The following MOB1B variants were observed in gnomAD, a reference collection of about 807,000 sequenced individuals.
MOB1B encodes the protein MOB kinase activator 1B.
A neutral mutation model predicts 24.4 loss-of-function variants in MOB1B; 19 were observed. The ratio of observed to expected loss-of-function variants is 0.78; its 90% confidence interval spans 0.54 to 1.14. MOB1B has a LOEUF of 1.14. MOB1B is among the 50% of genes most tolerant of loss of function. The pLI is 0.00. For synonymous variants in MOB1B, 76 were observed against 82.1 expected, an observed-to-expected ratio of 0.93 and a Z score of 0.40; for missense variants, 243 against 259.6, an observed-to-expected ratio of 0.94 and a Z score of 0.44.
intron 1 of MOB1B, among the ~76,000 whole-genome samples, chr4:70,927,985 T>A (rs146909653): frequency 6.6e-6 from 1 of 152,108 alleles, no homozygotes; most frequent in Non-Finnish European, 1.5e-5. Context: ...TCTTTCTGCC[T>A]TTGTAAATGC....
intron 1 of MOB1B, among the ~76,000 whole-genome samples, chr4:70,956,662 T>G (rs951759025): frequency 6.6e-6 from 1 of 151,726 alleles, no homozygotes; most frequent in African/African-American, 2.4e-5. Flanking sequence ...TCAAGCAATC[T>G]GCCCGCCTCG....
At chr4:70,939,280 A>G (rs1240565636) in intron 1 of MOB1B, among the ~76,000 whole-genome samples, 1 of 152,232 alleles carries the variant, frequency 6.6e-6, no homozygotes, top group Non-Finnish European at 1.5e-5. Context: ...AATAAAGTGA[A>G]GTTTTTTAAA....
chr4:70,941,175 T>C (rs1169941276), intron 1 of MOB1B, among the ~76,000 whole-genome samples: 3 of 150,668 alleles, frequency 2.0e-5, no homozygotes, highest in Non-Finnish European at 4.4e-5. Context: ...TTTTTTTTTT[T>C]CTTTTCTATG....
intron 1 of MOB1B, among the ~76,000 whole-genome samples, chr4:70,952,679 A>G (rs1217868353): frequency 6.6e-6 from 1 of 151,404 alleles, no homozygotes; most frequent in African/African-American, 2.4e-5. Flanking sequence ...AACAAAAAAA[A>G]AACTTTCTAA....
chr4:70,959,684 G>A (rs1458299283), intron 2 of MOB1B, among the ~76,000 whole-genome samples: 1 of 152,062 alleles, frequency 6.6e-6, no homozygotes, highest in Non-Finnish European at 1.5e-5. Context: ...ATAACCTTAT[G>A]ATGTAGGTAT....
At chr4:70,910,788 C>CTT (rs992292452) in intron 1 of MOB1B, among the ~76,000 whole-genome samples, 2 of 145,526 alleles carry the variant, frequency 1.4e-5, no homozygotes, top group Admixed American at 1.4e-4. Context: ...AGTTCTGAAT[C>CTT]TTTTTTTTTT....
intron 2 of MOB1B, among the ~76,000 whole-genome samples, chr4:70,960,872 A>G (rs1242723032): frequency 1.3e-5 from 2 of 152,236 alleles, no homozygotes; most frequent in African/African-American, 4.8e-5. Flanking sequence ...AAGGCTGTAT[A>G]GAGCTTCTAT....
At position 70,957,023 on chromosome 4, in the gene MOB1B, G is replaced by A. The variant is rs141975383; in HGVS notation, c.15-1851G>A. The stretch of plus-strand genomic sequence containing the variant: ...ATCTTAGGGAAAGAGGGAGGGATTG[G>A]GGTTGGGGGTGTAAAGTTGAGAGGA... On this transcript the variant is annotated intron_variant, in intron 1 of 5. Coordinates refer to ENST00000309395, the MANE Select transcript of MOB1B (RefSeq NM_173468.4). Among the ~76,000 whole-genome samples, 1,291 of 151,884 alleles carry A rather than the reference G, an allele frequency of 8.5e-3. 11 individuals are homozygous for A. Among genetic ancestry groups the A allele is most frequent in the South Asian group, 0.014 (66 of 4,808 alleles).
chr4:70,950,421 C>T (rs1243159538), intron 1 of MOB1B, among the ~76,000 whole-genome samples: 1 of 116,700 alleles, frequency 8.6e-6, no homozygotes, highest in African/African-American at 3.7e-5. Flanking sequence ...GAGCAAGTCT[C>T]TGTATCAAAA....
chr4:70,927,859 C>G lies in MOB1B; in HGVS notation c.14+25309C>G, dbSNP rs941043588. 3.3e-5 allele frequency among the ~76,000 whole-genome samples: 5 copies of G among 152,244 alleles called. No individual in the cohort carries two copies. In the East Asian group the frequency reaches 9.6e-4, roughly 29 times the overall value. ...CTGCAAAACTCCAAGGCATAGAAGG[C>G]CTCCCTGAGATGTTTGCTTACCACT... is the stretch of plus-strand genomic sequence containing the variant. On this transcript the variant is annotated intron_variant, in intron 1 of 5. Coordinates refer to ENST00000309395, the MANE Select transcript of MOB1B (RefSeq NM_173468.4).
rs1739322918 is a variant in MOB1B, at chr4:70,984,623, A to G, written c.*2566A>G. On this transcript the variant is annotated 3_prime_UTR_variant, in exon 6 of 6. Coordinates refer to ENST00000309395, the MANE Select transcript of MOB1B (RefSeq NM_173468.4). ...GATAAAAGCATCCCATAAAATATAA[A>G]GTAGTAAGTTAACATAGTATTATTG... 1 of 152,238 alleles carries G rather than the reference A, an allele frequency of 6.6e-6. No individual in the cohort carries two copies. The highest frequency in any genetic ancestry group is 2.4e-5 in the African/African-American group (1 of 41,476). The allele number at this position is 152,238 out of a possible 1,614,324, so 9.4% of individuals were successfully genotyped here.
chr4:70,949,730 A>T (rs1000650771), intron 1 of MOB1B, among the ~76,000 whole-genome samples: 27 of 152,174 alleles, frequency 1.8e-4, no homozygotes, highest in Middle Eastern at 3.4e-3. Flanking sequence ...TCTATAAAAA[A>T]ATACAACAAC....
intron 2 of MOB1B, among the ~76,000 whole-genome samples, chr4:70,959,754 T>C (rs79944771): frequency 0.011 from 1,640 of 152,352 alleles, 27 homozygotes; most frequent in African/African-American, 0.038. Context: ...CTAGGTCATA[T>C]AGCTATTAAA....
intron 1 of MOB1B, among the ~76,000 whole-genome samples, chr4:70,924,965 C>CA (rs906414917): frequency 6.6e-6 from 1 of 152,218 alleles, no homozygotes; most frequent in African/African-American, 2.4e-5. Flanking sequence ...CCAAACTATA[C>CA]AAAAAAACTA....
intron 4 of MOB1B, chr4:70,976,760 A>G (rs1739017883): frequency 4.7e-6 from 1 of 211,608 alleles, no homozygotes; most frequent in Non-Finnish European, 7.7e-6. Context: ...TTACATATAT[A>G]TATATATATA....
rs765701860 is a variant in MOB1B, at chr4:70,982,018, C to T, written c.612C>T (p.Leu204=). The change falls in exon 6 of 6, where the codon CTC becomes CTT. Residue 204 remains leucine (L), a synonymous_variant. Transcript: ENST00000309395. ...TTGATAGAAGAGAACTTGCACCACT[C>T]CAAGAACTGATTGAAAAACTCACCT... ...NLIDRRELAP[L]QELIEKLTSK... 21 of 1,612,526 alleles carry T rather than the reference C, an allele frequency of 1.3e-5. No homozygotes were observed. Among genetic ancestry groups the T allele is most frequent in the Non-Finnish European group, 1.7e-5 (20 of 1,179,036 alleles).
Position 70,984,728 on chromosome 4 carries a change from G to T in MOB1B, c.*2671G>T, listed in dbSNP as rs914481612. 7 of 151,866 alleles carry T rather than the reference G, an allele frequency of 4.6e-5. No individual in the cohort carries two copies. Among genetic ancestry groups the T allele is most frequent in the African/African-American group, 1.5e-4 (6 of 41,368 alleles). The allele number at this position is 151,866 out of a possible 1,614,324, so 9.4% of individuals were successfully genotyped here. ...TACTTTAATTGATGGAGTAGTGGTG[G>T]TAGAGAGAAATTAATAACAAAAAGA... is the stretch of plus-strand genomic sequence containing the variant. On this transcript the variant is annotated 3_prime_UTR_variant, in exon 6 of 6. Coordinates refer to ENST00000309395, the MANE Select transcript of MOB1B (RefSeq NM_173468.4).
At chr4:70,975,416 C>T (rs889889681) in intron 4 of MOB1B, 130 bp downstream of exon 4, 44 of 1,388,628 alleles carry the variant, frequency 3.2e-5, no homozygotes, top group East Asian at 5.2e-5. Flanking sequence ...GTATATGTTA[C>T]GCAGTTCCCA....
At chr4:70,972,834 C>T (rs529263694) in intron 3 of MOB1B, among the ~76,000 whole-genome samples, 3 of 152,196 alleles carry the variant, frequency 2.0e-5, no homozygotes, top group South Asian at 4.1e-4. Flanking sequence ...AGTGCAGTGG[C>T]GCGATCTCGG....
Sources: gnomAD v4.1 joint callset for allele counts (sites outside exome capture counted in the v4.1 genomes callset) on GRCh38, gnomAD v4.1.1 for gene constraint, MANE v1.5 for transcripts, NCBI Gene and HGNC (gene_info 2026-07-23, HGNC 2026-07-21) for gene names.